Variants in PLEKHH2 observed in about 807,000 individuals in gnomAD.
PLEKHH2 encodes the protein pleckstrin homology, MyTH4 and FERM domain containing H2.
PLEKHH2 carries 129 observed loss-of-function variants against 187.9 expected under a neutral mutation model. The ratio of observed to expected loss-of-function variants is 0.69; its 90% CI spans 0.59 to 0.79. PLEKHH2 has a LOEUF of 0.79. Ranked by LOEUF, PLEKHH2 falls within the 30% of genes least tolerant of loss-of-function variation. The pLI, the probability that PLEKHH2 is intolerant of heterozygous loss-of-function variation, is 0.00. For missense variants in PLEKHH2, 2,076 were observed against 1,751.2 expected, an observed-to-expected ratio of 1.19 and a Z score of -3.31; for synonymous variants, 686 against 605.6, an observed-to-expected ratio of 1.13 and a Z score of -1.95.
At chr2:43,674,593 T>G (rs958492282) in intron 2 of PLEKHH2, among the ~76,000 whole-genome samples, 26 of 152,206 alleles carry the variant, frequency 1.7e-4, no homozygotes, top group African/African-American at 6.0e-4. Context: ...AGAAATTAAA[T>G]ATGAGGTACT....
At chr2:43,725,259 T>A (rs1307671144) in intron 16 of PLEKHH2, among the ~76,000 whole-genome samples, 1 of 152,172 alleles carries the variant, frequency 6.6e-6, no homozygotes, top group Non-Finnish European at 1.5e-5. Flanking sequence ...AGGGAGAGTT[T>A]GTGTTTGTTG....
chr2:43,677,580 A>C (rs1036319972), intron 2 of PLEKHH2, among the ~76,000 whole-genome samples: 17 of 151,758 alleles, frequency 1.1e-4, no homozygotes, highest in Non-Finnish European at 2.2e-4. Context: ...CAAAATGAAA[A>C]GTCTCCCATG....
intron 18 of PLEKHH2, among the ~76,000 whole-genome samples, 167 bp from the exon 19 acceptor site, chr2:43,731,323 C>T (rs1264743066): frequency 6.6e-6 from 1 of 152,070 alleles, no homozygotes; most frequent in Non-Finnish European, 1.5e-5. Context: ...ATCCCAATGA[C>T]CTGGCTACCA....
At chr2:43,723,025 T>C (rs1193947347) in intron 16 of PLEKHH2, among the ~76,000 whole-genome samples, 1 of 152,170 alleles carries the variant, frequency 6.6e-6, no homozygotes, top group Non-Finnish European at 1.5e-5. Flanking sequence ...AACCACTAGG[T>C]CTGTTTGCTG....
At chr2:43,723,341 C>G (rs13424396) in intron 16 of PLEKHH2, among the ~76,000 whole-genome samples, 30,619 of 151,964 alleles carry the variant, frequency 0.2, 3,651 homozygotes, top group Non-Finnish European at 0.27. Context: ...CACAGAGGAG[C>G]CTTCCTAAGG....
intron 2 of PLEKHH2, among the ~76,000 whole-genome samples, chr2:43,646,492 C>T (rs1558408642): frequency 6.6e-6 from 1 of 152,132 alleles, no homozygotes; most frequent in Non-Finnish European, 1.5e-5. Flanking sequence ...GACTTCTGTA[C>T]TCGTTTGGCT....
intron 15 of PLEKHH2, among the ~76,000 whole-genome samples, chr2:43,713,427 T>C (rs933739124): frequency 1.3e-5 from 2 of 152,020 alleles, no homozygotes; most frequent in African/African-American, 4.8e-5. Flanking sequence ...TAGGGTAAGG[T>C]ATAGCTTTAA....
chr2:43,761,393 C>T (rs538260765), intron 27 of PLEKHH2, among the ~76,000 whole-genome samples: 3 of 149,368 alleles, frequency 2.0e-5, no homozygotes, highest in Non-Finnish European at 4.4e-5. Flanking sequence ...TCTATGAGAA[C>T]CAGGAGTAGC....
intron 25 of PLEKHH2, among the ~76,000 whole-genome samples, chr2:43,755,040 T>C (rs1342355872): frequency 6.6e-6 from 1 of 151,972 alleles, no homozygotes; most frequent in Non-Finnish European, 1.5e-5. Context: ...GCTCTGCTAA[T>C]TTTCGTATTT....
At chr2:43,740,572 T>C (rs1038960449) in intron 20 of PLEKHH2, among the ~76,000 whole-genome samples, 5 of 152,234 alleles carry the variant, frequency 3.3e-5, no homozygotes, top group African/African-American at 1.2e-4. Context: ...GCATGTGTTT[T>C]CTACTGTTCT....
At chr2:43,715,896 TG>T (rs1257069764) in intron 15 of PLEKHH2, among the ~76,000 whole-genome samples, 1 of 151,922 alleles carries the variant, frequency 6.6e-6, no homozygotes, top group Admixed American at 6.6e-5. Context: ...GTGGCAATTA[TG>T]GGAAATTATG....
chr2:43,699,001 G>A (rs1322298600), intron 7 of PLEKHH2, among the ~76,000 whole-genome samples: 1 of 152,048 alleles, frequency 6.6e-6, no homozygotes, highest in African/African-American at 2.4e-5. Flanking sequence ...TTGGTGCAAG[G>A]TCTGTTTATT....
rs1672648844 is a variant in PLEKHH2 at position 43,767,104 on chromosome 2, A to G, written c.*1506A>G. 6.5e-6 allele frequency: 1 copy of G among 152,714 alleles called. No individual in the cohort carries two copies. Among genetic ancestry groups the G allele is most frequent in the Non-Finnish European group, 1.5e-5 (1 of 68,042 alleles). 9.5% of individuals were successfully genotyped at this position (152,714 alleles called of 1,614,324 possible). ...GAAAATTATATTATTAAAATGTTCA[A>G]TTGTAATGGTAATCATGAGTATACT... On this transcript the variant is annotated 3_prime_UTR_variant, in exon 30 of 30. Coordinates refer to ENST00000282406, the MANE Select transcript of PLEKHH2 (RefSeq NM_172069.4).
At chr2:43,740,910 C>G in intron 20 of PLEKHH2, 36 bp from the exon 21 acceptor site, 2 of 1,605,642 alleles carry the variant, frequency 1.2e-6, no homozygotes, top group Non-Finnish European at 1.7e-6. Context: ...CTGACTGGCA[C>G]GTGGTATCTA....
intron 1 of PLEKHH2, among the ~76,000 whole-genome samples, chr2:43,644,303 G>T (rs1166016966): frequency 6.6e-6 from 1 of 152,112 alleles, no homozygotes; most frequent in Non-Finnish European, 1.5e-5. Flanking sequence ...GTGTGGTGTT[G>T]TTATACTGTC....
At chr2:43,658,036 A>G (rs1490593433) in intron 2 of PLEKHH2, among the ~76,000 whole-genome samples, 1 of 152,262 alleles carries the variant, frequency 6.6e-6, no homozygotes, top group African/African-American at 2.4e-5. Context: ...TGATCTTCAC[A>G]TTATTCAACT....
At chr2:43,639,057 G>A (rs556698782) in intron 1 of PLEKHH2, among the ~76,000 whole-genome samples, 3 of 152,304 alleles carry the variant, frequency 2.0e-5, no homozygotes, top group African/African-American at 7.2e-5. Context: ...TCATAGCAAA[G>A]TGCGCTAGGT....
intron 18 of PLEKHH2, among the ~76,000 whole-genome samples, chr2:43,730,662 GTGC>G (rs1304345523): frequency 1.3e-5 from 2 of 152,184 alleles, no homozygotes; most frequent in Non-Finnish European, 2.9e-5. Flanking sequence ...GCCTCCCAAA[GTGC>G]TGGCATTACA....
chr2:43,738,622 A>T (rs1671414305), intron 20 of PLEKHH2, 102 bp downstream of exon 20: 5 of 1,178,962 alleles, frequency 4.2e-6, no homozygotes, highest in Non-Finnish European at 5.8e-6. Context: ...GAATACAAAA[A>T]GTGCAGAAGG....
Sources: gnomAD v4.1 joint callset for allele counts (sites outside exome capture counted in the v4.1 genomes callset) on GRCh38, gnomAD v4.1.1 for gene constraint, MANE v1.5 for transcripts, NCBI Gene and HGNC (gene_info 2026-07-23, HGNC 2026-07-21) for gene names.